PIWIL3: variants seen among roughly 807,000 people sequenced by gnomAD.
PIWIL3 encodes piwi-like protein 3.
In PIWIL3, 101 loss-of-function variants were observed where a neutral mutation model predicts 109.7. The observed-to-expected ratio is 0.92, with a 90% confidence interval of 0.78 to 1.09. The LOEUF is 1.09. Ranked by LOEUF, PIWIL3 falls within the 50% of genes least tolerant of loss-of-function variation. The probability of loss-of-function intolerance (pLI) is 0.00; values close to 1 mark genes in which losing one functional copy is unlikely to be tolerated. For synonymous variants in PIWIL3, 373 were observed against 376.4 expected, an observed-to-expected ratio of 0.99 and a Z score of 0.10; for missense variants, 1,031 against 1,072.6, an observed-to-expected ratio of 0.96 and a Z score of 0.54.
rs11703684 is a variant in PIWIL3, at chr22:24,748,945, C to T, written c.1411G>A (p.Val471Ile). 0.22 allele frequency: 346,612 copies of T among 1,611,530 alleles called. 39,472 individuals carry two copies. Among genetic ancestry groups the T allele is most frequent in the Admixed American group, 0.39 (23,477 of 59,648 alleles). Reference protein sequence around the residue: ...DTNFLSVPGRVLKNANIVQGR... With the variant: ...DTNFLSVPGRILKNANIVQGR... ...TGCACGATGTTTGCGTTTTTCAAAA[C>T]TCTTCCCGGGACGGACAAAAAATTG... The change falls in exon 12 of 21, where the codon GTT (valine) becomes ATT (isoleucine). Residue 471 changes from valine (V) to isoleucine (I), a missense_variant. Val to Ile is a conservative substitution (Grantham distance 29). Transcript: ENST00000616349.
At chr22:24,765,667 C>T (rs1047422265) in intron 1 of PIWIL3, among the ~76,000 whole-genome samples, 8 of 151,854 alleles carry the variant, frequency 5.3e-5, no homozygotes, top group Non-Finnish European at 8.8e-5. Flanking sequence ...TCTGAGCATT[C>T]GCTGTACTTT....
chr22:24,745,934 C>A (rs2147687502), intron 12 of PIWIL3, among the ~76,000 whole-genome samples: 1 of 152,074 alleles, frequency 6.6e-6, no homozygotes, highest in South Asian at 2.1e-4. Flanking sequence ...CAGAACAGAC[C>A]AATAACAAGT....
At chr22:24,770,660 T>TA (rs57209194) in intron 1 of PIWIL3, among the ~76,000 whole-genome samples, 22,739 of 77,362 alleles carry the variant, frequency 0.29, 2,406 homozygotes, top group Admixed American at 0.41. Flanking sequence ...CCGTCTCTAC[T>TA]AAAAAAAAAA....
chr22:24,753,640 CT>C (rs1288012710), intron 8 of PIWIL3, among the ~76,000 whole-genome samples: 1 of 152,178 alleles, frequency 6.6e-6, no homozygotes, highest in Non-Finnish European at 1.5e-5. Flanking sequence ...TTTAAGGTTT[CT>C]GCTGTAGAAA....
At position 24,729,373 on chromosome 22, in the gene PIWIL3, A is replaced by G. The variant is rs1923198598; in HGVS notation, c.1708-999T>C. On this transcript the variant is annotated intron_variant, in intron 14 of 20. Transcript: ENST00000616349. ...ACGACGAGACGGTTTCATTGACCCT[A>G]GACAGCTTCCTCATGATGTATGTAT... Among the ~76,000 whole-genome samples the G allele has an allele frequency of 3.9e-5, 6 of 152,248 alleles. No homozygotes were observed. In the South Asian group the frequency reaches 1.2e-3, roughly 32 times the overall value.
chr22:24,771,858 G>T (rs1569115715), intron 1 of PIWIL3, among the ~76,000 whole-genome samples: 1 of 151,966 alleles, frequency 6.6e-6, no homozygotes, highest in Admixed American at 6.6e-5. Context: ...CTCATGCCCG[G>T]CTAATTTTTG....
chr22:24,754,805 G>T lies in PIWIL3; in HGVS notation c.752C>A (p.Ala251Asp). Residue 251 changes from alanine (A) to aspartate (D), a missense_variant, in exon 7 of 21, where the codon GCC becomes GAC. By Grantham distance (126) the Ala-to-Asp change is moderately radical (BLOSUM62 -2). Transcript: ENST00000616349. ...VGRNYYTKKK[A>D]IQLYRHGTSL... ...AAACCCATGACGGTATAACTGAATG[G>T]CCTTCTTTTTGGTATAATAGTTGCG... 6.2e-7 allele frequency: 1 copy of T among 1,610,394 alleles called. No homozygotes were observed. The highest frequency in any genetic ancestry group is 8.5e-7 in the Non-Finnish European group (1 of 1,176,788).
chr22:24,723,381 C>T (rs1922793735), intron 18 of PIWIL3, 126 bp from the exon 19 acceptor site: 1 of 975,744 alleles, frequency 1.0e-6, no homozygotes, highest in Admixed American at 2.5e-5. Flanking sequence ...CCTCCTTACA[C>T]CCTAATTTTA....
intron 16 of PIWIL3, 79 bp downstream of exon 16, chr22:24,727,871 C>G: frequency 8.7e-7 from 1 of 1,144,266 alleles, no homozygotes; most frequent in South Asian, 1.4e-5. Flanking sequence ...CTTGAGTTAA[C>G]ACATATTAAT....
chr22:24,730,517 G>A (rs1433153668), intron 14 of PIWIL3, among the ~76,000 whole-genome samples: 1 of 152,086 alleles, frequency 6.6e-6, no homozygotes, highest in Non-Finnish European at 1.5e-5. Context: ...CACAGTAGCT[G>A]CCATGAATTA....
At chr22:24,720,231 C>T (rs910230766) in intron 19 of PIWIL3, among the ~76,000 whole-genome samples, 3 of 146,104 alleles carry the variant, frequency 2.1e-5, no homozygotes, top group African/African-American at 7.7e-5. Flanking sequence ...TGCTGCCTCG[C>T]TGAGAATCAC....
chr22:24,755,945 C>T (rs1415908956), intron 5 of PIWIL3, 40 bp from the exon 6 acceptor site: 1 of 1,593,092 alleles, frequency 6.3e-7, no homozygotes, highest in Non-Finnish European at 8.5e-7. Flanking sequence ...TCCAGATATT[C>T]TTCCAAAAAA....
At chr22:24,768,833 A>G (rs1925951861) in intron 1 of PIWIL3, among the ~76,000 whole-genome samples, 1 of 152,218 alleles carries the variant, frequency 6.6e-6, no homozygotes, top group Admixed American at 6.5e-5. Context: ...CAAGGAGATG[A>G]GCATGTCTGA....
At chr22:24,754,303 G>C (rs1183380840) in intron 7 of PIWIL3, 86 bp from the exon 8 acceptor site, 1 of 1,123,986 alleles carries the variant, frequency 8.9e-7, no homozygotes, top group Non-Finnish European at 1.3e-6. Flanking sequence ...TCTAAAAATT[G>C]GTACTTAGGA....
chr22:24,735,035 C>T (rs768243367), intron 13 of PIWIL3, among the ~76,000 whole-genome samples: 2 of 150,728 alleles, frequency 1.3e-5, no homozygotes, highest in South Asian at 2.1e-4. Flanking sequence ...ACCATGGAGA[C>T]GGTAAAAAAA....
chr22:24,771,095 A>T (rs9620435), intron 1 of PIWIL3, among the ~76,000 whole-genome samples: 30,750 of 151,582 alleles, frequency 0.2, 3,373 homozygotes, highest in Admixed American at 0.32. Context: ...AAACCCTTTC[A>T]CTCAGCCCTA....
In PIWIL3 at chr22:24,755,827, T is replaced by C. The variant is rs1258619108; in HGVS notation, c.649A>G (p.Thr217Ala). The change falls in exon 6 of 21, where the codon ACG becomes GCG. Residue 217 changes from threonine to alanine, a missense_variant. Coordinates refer to ENST00000616349, the MANE Select transcript of PIWIL3 (RefSeq NM_001255975.1). ...TAATAGCGTAGGCAATCTGGCGACG[T>C]GGGCGTGAGTTCTTTGGAAAACTCA... is the stretch of plus-strand genomic sequence containing the variant. ...TVEFSKELTPTSPDCLRYYNI... is the reference protein window; with the variant it reads ...TVEFSKELTPASPDCLRYYNI... 6.2e-7 allele frequency: 1 copy of C among 1,613,934 alleles called. No homozygotes were observed. Among genetic ancestry groups the C allele is most frequent in the East Asian group, 2.2e-5 (1 of 44,892 alleles).
chr22:24,746,266 ATGGT>A (rs1924360845), intron 12 of PIWIL3, among the ~76,000 whole-genome samples: 4 of 152,224 alleles, frequency 2.6e-5, no homozygotes, highest in African/African-American at 9.6e-5. Context: ...GGATTCAAGG[ATGGT>A]TCTATGTAGG....
intron 1 of PIWIL3, among the ~76,000 whole-genome samples, chr22:24,765,954 CAT>C (rs1342057301): frequency 1.3e-5 from 2 of 151,868 alleles, no homozygotes; most frequent in African/African-American, 2.4e-5. Context: ...CCATTTCCCA[CAT>C]CTTTCCTCAA....
Sources: gnomAD v4.1 joint callset for allele counts (sites outside exome capture counted in the v4.1 genomes callset) on GRCh38, gnomAD v4.1.1 for gene constraint, MANE v1.5 for transcripts, NCBI Gene and HGNC (gene_info 2026-07-23, HGNC 2026-07-21) for gene names.